Variants in PNN observed in about 807,000 individuals in gnomAD.
PNN encodes the protein pinin.
PNN carries 38 observed loss-of-function variants against 76.6 expected under a neutral mutation model. The ratio of observed to expected loss-of-function variants is 0.50; its 90% confidence interval spans 0.38 to 0.65. The LOEUF (loss-of-function observed/expected upper bound fraction) is 0.65. Ranked by LOEUF, PNN falls within the 30% of genes least tolerant of loss-of-function variation. PNN has a pLI of 0.00. For missense variants in PNN, 873 were observed against 874.1 expected (o/e 1.00, Z 0.02); for synonymous variants, 366 against 283.7 (o/e 1.29, Z -2.91).
chr14:39,178,741 AAAAAAT>A (rs1273021428), intron 6 of PNN, among the ~76,000 whole-genome samples: 1,611 of 150,230 alleles, frequency 0.011, 30 homozygotes, highest in African/African-American at 0.038. Context: ...AAAAAAAAAA[AAAAAAT>A]TTTTTTTGAG....
intron 4 of PNN, 38 bp downstream of exon 4, chr14:39,177,522 T>C (rs750936736): frequency 1.3e-5 from 20 of 1,576,444 alleles, no homozygotes; most frequent in Non-Finnish European, 1.7e-5. Flanking sequence ...ATGTAGTACC[T>C]TCACTTTACT....
Position 39,179,464 on chromosome 14 carries a change from T to TA in PNN, c.793+4dup, listed in dbSNP as rs765902658. 1 of 1,610,590 alleles carries TA rather than the reference T, an allele frequency of 6.2e-7. No homozygotes were observed. Among genetic ancestry groups the TA allele is most frequent in the Non-Finnish European group, 8.5e-7 (1 of 1,178,686 alleles). ...AAGAGTCACAGAGAAAAATGAACGGTAAGTATGCGAAGAGGTCCATTGAAT... is the reference window on the plus strand; with the variant it reads ...AAGAGTCACAGAGAAAAATGAACGGTAAAGTATGCGAAGAGGTCCATTGAAT... On this transcript the variant is annotated splice_region_variant and intron_variant, in intron 8 of 8. Transcript: ENST00000216832.
intron 8 of PNN, among the ~76,000 whole-genome samples, chr14:39,180,011 G>A (rs974568982): frequency 1.3e-5 from 2 of 151,930 alleles, no homozygotes; most frequent in African/African-American, 4.8e-5. Context: ...TTATGCATCT[G>A]TATTCCTTAA....
chr14:39,176,569 G>C lies in PNN; in HGVS notation c.228G>C (p.Gln76His), dbSNP rs2053226375. The C allele has an allele frequency of 6.2e-7, 1 of 1,608,226 alleles. No individual in the cohort carries two copies. Among genetic ancestry groups the C allele is most frequent in the Non-Finnish European group, 8.5e-7 (1 of 1,178,170 alleles). The change falls in exon 3 of 9, where the codon CAG becomes CAC. Residue 76 changes from glutamine (Q) to histidine (H), a missense_variant. By Grantham distance (24) the Gln-to-His change is conservative. Coordinates refer to ENST00000216832, the MANE Select transcript of PNN (RefSeq NM_002687.4). ...GTGGAGGAGGACCCCCAGCCAAACA[G>C]AGAGACCTTGAAGGGGCAGTCAGTA... ...SDSGGGPPAK[Q>H]RDLEGAVSRL...
Position 39,181,018 on chromosome 14 carries a change from A to G in PNN, c.1309A>G (p.Lys437Glu), listed in dbSNP as rs866940658. 5.6e-6 allele frequency: 9 copies of G among 1,612,684 alleles called. No homozygotes were observed. Among genetic ancestry groups the G allele is most frequent in the Non-Finnish European group, 7.6e-6 (9 of 1,179,046 alleles). ...AATGGAATTTGAAATTGAGCCAGAT[A>G]AAGAATGTAAAACCCTTTCTCCTGG... ...PEMEFEIEPD[K>E]ECKTLSPGKE... The change falls in exon 9 of 9, where the codon AAA becomes GAA. Residue 437 changes from lysine (K) to glutamate (E), a missense_variant. Lys to Glu is a moderately conservative substitution (Grantham distance 56). Around this residue, in one of 3 missense-constraint regions of PNN, gnomAD observed 712 missense variants for 693.1 expected, o/e 1.03. Transcript: ENST00000216832.
At chr14:39,178,977 T>G in intron 6 of PNN, 114 bp from the exon 7 acceptor site, 3 of 937,000 alleles carry the variant, frequency 3.2e-6, no homozygotes, top group South Asian at 1.8e-5. Flanking sequence ...CTCTAATGTT[T>G]CACGTAATTA....
At chr14:39,178,310 C>A (rs1279071393) in intron 6 of PNN, among the ~76,000 whole-genome samples, 1 of 152,130 alleles carries the variant, frequency 6.6e-6, no homozygotes, top group Non-Finnish European at 1.5e-5. Context: ...AGGTGGATCA[C>A]CTGAGGTCAG....
intron 6 of PNN, among the ~76,000 whole-genome samples, chr14:39,178,539 G>GA (rs1003432145): frequency 9.3e-5 from 14 of 151,102 alleles, no homozygotes; most frequent in African/African-American, 3.4e-4. Flanking sequence ...CTCAAAAAAA[G>GA]AAAAAATGTG....
At chr14:39,176,356 G>A (rs2053223963) in intron 2 of PNN, 171 bp from the exon 3 acceptor site, 1 of 638,758 alleles carries the variant, frequency 1.6e-6, no homozygotes, top group African/African-American at 1.8e-5. Flanking sequence ...CCAATTTTGA[G>A]TGAACTTAAT....
At chr14:39,177,941 A>T in intron 6 of PNN, 25 bp downstream of exon 6, 1 of 1,412,746 alleles carries the variant, frequency 7.1e-7, no homozygotes, top group Non-Finnish European at 1.0e-6. Flanking sequence ...TTTGTTTTGC[A>T]TCATATATTT....
rs1346352031 is a variant in PNN at position 39,181,453 on chromosome 14, A to G, written c.1744A>G (p.Ser582Gly). 4 of 1,612,878 alleles carry G rather than the reference A, an allele frequency of 2.5e-6. No individual in the cohort carries two copies. Among genetic ancestry groups the G allele is most frequent in the African/African-American group, 1.3e-5 (1 of 74,998 alleles). Residue 582 changes from serine to glycine, a missense_variant, in exon 9 of 9, where the codon AGT (serine) becomes GGT (glycine). By Grantham distance (56) the Ser-to-Gly change is moderately conservative (BLOSUM62 0). Transcript: ENST00000216832. ...KSRSRSSSSS[S>G]SSSSSTSSSS... ...TAGAAGTCGAAGCAGTAGCAGTAGC[A>G]GTTCTAGTAGCAGTTCAACCAGTAG...
Position 39,179,306 on chromosome 14 carries a change from C to G in PNN, c.655-18C>G. 6.2e-7 allele frequency: 1 copy of G among 1,609,464 alleles called. No individual in the cohort carries two copies. The highest frequency in any genetic ancestry group is 2.2e-5 in the East Asian group (1 of 44,862). On this transcript the variant is annotated intron_variant, in intron 7 of 8. Coordinates refer to ENST00000216832, the MANE Select transcript of PNN (RefSeq NM_002687.4). ...CCTTTGTGTTTACAAAAGCACTGAC[C>G]CTTTACCTTTTCTTTAGCAAGAAGA...
Sources: allele counts gnomAD v4.1 joint callset (sites outside exome capture counted in the v4.1 genomes callset), GRCh38; gene constraint gnomAD v4.1.1; regional missense constraint gnomAD v4.1.1; transcripts MANE v1.5; gene names NCBI Gene and HGNC (gene_info 2026-07-23, HGNC 2026-07-21).